Variants in TSC22D3 observed in about 807,000 individuals in gnomAD.
TSC22D3 encodes TSC22 domain family member 3, also known as TSC22 domain family protein 3.
A neutral mutation model predicts 11.1 loss-of-function variants in TSC22D3; 4 were observed. That is an observed-to-expected ratio of 0.36 (90% CI 0.18 to 0.83). The LOEUF (loss-of-function observed/expected upper bound fraction) is 0.83. Ranked by LOEUF, TSC22D3 falls within the 40% of genes least tolerant of loss-of-function variation. TSC22D3 has a pLI of 0.48. For synonymous variants in TSC22D3, 77 were observed against 70.3 expected, an observed-to-expected ratio of 1.10 and a Z score of -0.48; for missense variants, 118 against 159.4, an observed-to-expected ratio of 0.74 and a Z score of 1.40.
chrX:107,733,388 T>C (rs1195975778), intron 1 of TSC22D3, among the ~76,000 whole-genome samples: 3 of 111,956 alleles, frequency 2.7e-5, no homozygotes, highest in Non-Finnish European at 5.6e-5. Context: ...AAGTACTCAT[T>C]CAGGTTACTT....
chrX:107,754,078 G>A (rs1451465899), intron 1 of TSC22D3, among the ~76,000 whole-genome samples: 2 of 110,771 alleles, frequency 1.8e-5, no homozygotes, highest in African/African-American at 6.6e-5. Flanking sequence ...ACCACGCCTA[G>A]CTAATTTTTT....
chrX:107,715,637 C>T, intron 2 of TSC22D3: 1 of 426,031 alleles, frequency 2.3e-6, no homozygotes, highest in Non-Finnish European at 4.2e-6. Flanking sequence ...AACAACAGGC[C>T]CAGGAGAGAG....
intron 1 of TSC22D3, among the ~76,000 whole-genome samples, chrX:107,732,602 G>A (rs137997724): frequency 0.011 from 1,178 of 111,490 alleles, 40 homozygotes; most frequent in Admixed American, 0.095. Flanking sequence ...CAATCCGAAC[G>A]AGTGAATCTT....
chrX:107,723,711 G>GT (rs1294797263), intron 1 of TSC22D3, among the ~76,000 whole-genome samples: 2 of 113,029 alleles, frequency 1.8e-5, no homozygotes, highest in African/African-American at 6.4e-5. Context: ...ACTCTGCTCT[G>GT]TGGAACAGTT....
intron 1 of TSC22D3, among the ~76,000 whole-genome samples, chrX:107,772,145 A>C (rs963018284): frequency 6.3e-5 from 7 of 111,795 alleles, no homozygotes; most frequent in African/African-American, 2.3e-4. Context: ...GGACAGGTCA[A>C]AGCAGACAAA....
At chrX:107,721,254 A>G (rs1289577948) in intron 1 of TSC22D3, among the ~76,000 whole-genome samples, 1 of 112,281 alleles carries the variant, frequency 8.9e-6, no homozygotes, top group Admixed American at 9.4e-5. Context: ...TTTGGAAACC[A>G]GCATATTCCC....
chrX:107,716,253 A>C, intron 1 of TSC22D3: 3 of 921,014 alleles, frequency 3.3e-6, no homozygotes, highest in East Asian at 4.5e-5. Flanking sequence ...TATGCAAACA[A>C]TGGGGCTGTG....
intron 1 of TSC22D3, among the ~76,000 whole-genome samples, chrX:107,774,211 ATGT>A (rs1265938161): frequency 9.0e-6 from 1 of 111,666 alleles, no homozygotes; most frequent in Non-Finnish European, 1.9e-5. Context: ...GGGTTTCCTG[ATGT>A]TGTCTGCCCT....
intron 1 of TSC22D3, among the ~76,000 whole-genome samples, chrX:107,720,430 G>A (rs889248285): frequency 2.3e-4 from 26 of 112,320 alleles, no homozygotes; most frequent in Non-Finnish European, 4.7e-4. Context: ...AGCGGCTCAC[G>A]CCTGTAATCT....
At chrX:107,735,921 A>T (rs915853891) in intron 1 of TSC22D3, among the ~76,000 whole-genome samples, 4 of 112,045 alleles carry the variant, frequency 3.6e-5, no homozygotes, top group Non-Finnish European at 7.5e-5. Context: ...TCTGAAGATG[A>T]ACTAGTTCAA....
At chrX:107,758,185 C>T (rs1012459061) in intron 1 of TSC22D3, among the ~76,000 whole-genome samples, 1 of 110,308 alleles carries the variant, frequency 9.1e-6, no homozygotes, top group Non-Finnish European at 1.9e-5. Flanking sequence ...GGTGTCTGGA[C>T]AGGTGGAGGG....
intron 1 of TSC22D3, among the ~76,000 whole-genome samples, chrX:107,751,730 A>G (rs1321062682): frequency 1.8e-5 from 2 of 112,145 alleles, no homozygotes; most frequent in Non-Finnish European, 3.8e-5. Context: ...TCACCTAGAC[A>G]AGATTTTCTC....
At chrX:107,761,879 C>T (rs933252027) in intron 1 of TSC22D3, among the ~76,000 whole-genome samples, 5 of 112,244 alleles carry the variant, frequency 4.5e-5, no homozygotes, top group African/African-American at 1.6e-4. Context: ...TCACTCACAG[C>T]GGGGCACTTG....
At chrX:107,771,601 TAAAC>T (rs1440580967) in intron 1 of TSC22D3, among the ~76,000 whole-genome samples, 1 of 111,513 alleles carries the variant, frequency 9.0e-6, no homozygotes, top group East Asian at 2.8e-4. Flanking sequence ...AATAAATAAA[TAAAC>T]AAATAAATAA....
At chrX:107,725,810 G>T (rs1253662860) in intron 1 of TSC22D3, among the ~76,000 whole-genome samples, 3 of 111,564 alleles carry the variant, frequency 2.7e-5, no homozygotes, top group African/African-American at 9.8e-5. Context: ...ACATGCGGCG[G>T]GGGAGGGGTG....
At chrX:107,774,524 C>T (rs1930047119) in intron 1 of TSC22D3, among the ~76,000 whole-genome samples, 1 of 111,296 alleles carries the variant, frequency 9.0e-6, no homozygotes, top group Non-Finnish European at 1.9e-5. Context: ...ATGGAGGAGG[C>T]GAATCCCTCC....
chrX:107,717,735 T>A (rs916206582), intron 1 of TSC22D3, among the ~76,000 whole-genome samples: 9 of 111,758 alleles, frequency 8.1e-5, no homozygotes, highest in African/African-American at 2.9e-4. Context: ...GGAGAGGGTG[T>A]CCGGGAGCTG....
chrX:107,730,518 G>GC (rs938923077), intron 1 of TSC22D3, among the ~76,000 whole-genome samples: 20 of 111,341 alleles, frequency 1.8e-4, no homozygotes, highest in Non-Finnish European at 3.6e-4. Flanking sequence ...GGAAGAGTAA[G>GC]CCCCCCCGGA....
chrX:107,733,306 T>C (rs1219620436), intron 1 of TSC22D3, among the ~76,000 whole-genome samples: 1 of 111,858 alleles, frequency 8.9e-6, no homozygotes, highest in Admixed American at 9.4e-5. Context: ...ATGCGCACTT[T>C]CTACATGGCA....
Sources: gnomAD v4.1 joint callset for allele counts (sites outside exome capture counted in the v4.1 genomes callset) on GRCh38, gnomAD v4.1.1 for gene constraint, MANE v1.5 for transcripts, NCBI Gene and HGNC (gene_info 2026-07-23, HGNC 2026-07-21) for gene names.